The following ADCY3 variants were observed in gnomAD, a reference collection of about 807,000 sequenced individuals.
ADCY3 encodes adenylate cyclase type 3.
ADCY3 carries 70 observed loss-of-function variants against 119.4 expected under a neutral mutation model. That is an observed-to-expected ratio of 0.59 (90% CI 0.48 to 0.72). The LOEUF is 0.72. Among genes scored for constraint, ADCY3 ranks in the 30% least tolerant of loss-of-function variants. ADCY3 has a pLI of 0.00. For synonymous variants in ADCY3, 672 were observed against 621.4 expected, an observed-to-expected ratio of 1.08 and a Z score of -1.21; for missense variants, 1,238 against 1,541.6, an observed-to-expected ratio of 0.80 and a Z score of 3.30.
intron 3 of ADCY3, among the ~76,000 whole-genome samples, chr2:24,852,709 G>T (rs538445489): frequency 1.6e-4 from 25 of 152,260 alleles, no homozygotes; most frequent in Non-Finnish European, 2.9e-4. Context: ...CCTCTCCACG[G>T]CCAGGAGCCG....
chr2:24,835,029 AAG>A, intron 9 of ADCY3, 93 bp from the exon 10 acceptor site: 5 of 1,463,050 alleles, frequency 3.4e-6, no homozygotes, highest in Non-Finnish European at 3.7e-6. Flanking sequence ...AAAGGAACAA[AAG>A]AGGGCATACT....
Position 24,840,013 on chromosome 2 carries a change from G to A in ADCY3, c.1215C>T (p.Thr405=). The A allele has an allele frequency of 6.2e-7, 1 of 1,612,684 alleles. No individual in the cohort carries two copies. Among genetic ancestry groups the A allele is most frequent in the South Asian group, 1.1e-5 (1 of 91,058 alleles). ...VEAISYVREK[T]KTGVDMRVGV... is the part of the protein sequence containing the mutation. ...CCACACGCATGTCCACCCCAGTCTT[G>A]GTCTTCTCCCGCACATACCTGCCAG... Residue 405 remains threonine (T), a synonymous_variant, in exon 7 of 22, where the codon ACC becomes ACT. Coordinates refer to ENST00000679454, the MANE Select transcript of ADCY3 (RefSeq NM_004036.5).
chr2:24,834,467 C>T lies in ADCY3; in HGVS notation c.1967+18G>A. 2 of 1,589,056 alleles carry T rather than the reference C, an allele frequency of 1.3e-6. No individual in the cohort carries two copies. The highest frequency in any genetic ancestry group is 2.3e-5 in the East Asian group (1 of 44,176). On this transcript the variant is annotated intron_variant, in intron 11 of 21. Transcript: ENST00000679454. This position sits in a 1 kb window ranked among gnomAD's most constrained non-coding sequence, Gnocchi z 4.2. ...CGCAGCCGAGGAAACTCGTGGCCCT[C>T]CCCGGCCCCTCCCTCACCAGGGGTC...
chr2:24,852,589 T>C (rs1309391025), intron 3 of ADCY3, among the ~76,000 whole-genome samples: 1 of 152,236 alleles, frequency 6.6e-6, no homozygotes, highest in African/African-American at 2.4e-5. Context: ...GGCCACCGTG[T>C]ACTCAGAAAG....
At chr2:24,861,115 G>T (rs1673593559) in intron 3 of ADCY3, among the ~76,000 whole-genome samples, 1 of 152,140 alleles carries the variant, frequency 6.6e-6, no homozygotes. Flanking sequence ...GCTGTGTGTG[G>T]TGGTGGGCAC....
chr2:24,903,834 C>T (rs1467247752), intron 2 of ADCY3, among the ~76,000 whole-genome samples: 2 of 152,194 alleles, frequency 1.3e-5, no homozygotes, highest in Non-Finnish European at 2.9e-5. Context: ...GCGTCACTAA[C>T]CCTGCCGAGG....
At chr2:24,838,864 T>G in intron 7 of ADCY3, 1 of 1,604,236 alleles carries the variant, frequency 6.2e-7, no homozygotes, top group Non-Finnish European at 8.5e-7. Context: ...TCAGCCTCAG[T>G]GTTGGAGCCA....
rs989166976 is a variant in ADCY3, at chr2:24,842,668, G to A, written c.826-284C>T. 2.9e-5 allele frequency: 12 copies of A among 415,328 alleles called. No individual in the cohort carries two copies. Among genetic ancestry groups the A allele is most frequent in the East Asian group, 1.5e-4 (3 of 19,602 alleles). The allele number at this position is 415,328 out of a possible 1,614,324, so 25.7% of individuals were successfully genotyped here. ...ACGTGGCTCTGTGCTCAGCATCCTC[G>A]TGCCACAAGAAGCGCAGCAGTCCTG... is the stretch of plus-strand genomic sequence containing the variant. On this transcript the variant is annotated intron_variant, in intron 3 of 21. Transcript: ENST00000679454. The surrounding 1 kb of genome is among the most constrained non-coding windows in gnomAD (Gnocchi z 4.9).
chr2:24,867,697 G>T (rs919535430), intron 3 of ADCY3, among the ~76,000 whole-genome samples: 1 of 152,128 alleles, frequency 6.6e-6, no homozygotes, highest in Non-Finnish European at 1.5e-5. Flanking sequence ...AGCATAAAAG[G>T]TAATACTAAA....
intron 2 of ADCY3, among the ~76,000 whole-genome samples, chr2:24,888,567 T>C (rs1275324383): frequency 6.6e-6 from 1 of 152,262 alleles, no homozygotes; most frequent in African/African-American, 2.4e-5. Flanking sequence ...GAATAAGCAC[T>C]GTCTTTGGAG....
Position 24,878,529 on chromosome 2 carries a change from G to A in ADCY3, c.676-5810C>T, listed in dbSNP as rs547731400. On this transcript the variant is annotated intron_variant, in intron 2 of 21. Coordinates refer to ENST00000679454, the MANE Select transcript of ADCY3 (RefSeq NM_004036.5). This position sits in a 1 kb window ranked among gnomAD's most constrained non-coding sequence, Gnocchi z 4.0. ...CTGCTCAGGGTGCAGTGTCCGTGTC[G>A]CCCACAGAGACCTATGACGTTCTGC... Among the ~76,000 whole-genome samples, 140 of 152,268 alleles carry A rather than the reference G, an allele frequency of 9.2e-4. No individual in the cohort carries two copies. The highest frequency in any genetic ancestry group is 3.3e-3 in the African/African-American group (137 of 41,564).
chr2:24,871,704 A>T (rs947267946), intron 3 of ADCY3, among the ~76,000 whole-genome samples: 3 of 152,254 alleles, frequency 2.0e-5, no homozygotes, highest in Non-Finnish European at 4.4e-5. Flanking sequence ...CAGAGCAGAG[A>T]ATCATAGTGT....
intron 3 of ADCY3, among the ~76,000 whole-genome samples, chr2:24,853,004 G>GA (rs1672525748): frequency 1.1e-5 from 1 of 92,466 alleles, no homozygotes; most frequent in South Asian, 4.0e-4. Context: ...AACAGCTGGA[G>GA]GGTGTGTGTG....
At chr2:24,882,827 C>T (rs529044424) in intron 2 of ADCY3, among the ~76,000 whole-genome samples, 13 of 152,160 alleles carry the variant, frequency 8.5e-5, no homozygotes, top group African/African-American at 1.2e-4. Flanking sequence ...GAGGCCGAGG[C>T]GGGTGGATCG....
At chr2:24,847,288 T>C (rs1671765274) in intron 3 of ADCY3, among the ~76,000 whole-genome samples, 1 of 152,146 alleles carries the variant, frequency 6.6e-6, no homozygotes, top group African/African-American at 2.4e-5. Flanking sequence ...GCCTTTTACC[T>C]CCCACCATGA....
At chr2:24,904,960 C>T (rs772802788) in intron 2 of ADCY3, among the ~76,000 whole-genome samples, 6 of 151,896 alleles carry the variant, frequency 4.0e-5, no homozygotes, top group Non-Finnish European at 8.8e-5. Flanking sequence ...TATTTTGCCT[C>T]CTATGCGCCA....
intron 7 of ADCY3, chr2:24,838,839 G>A (rs1670639811): frequency 6.2e-7 from 1 of 1,607,830 alleles, no homozygotes; most frequent in Admixed American, 1.7e-5. Flanking sequence ...GGGCCGTATG[G>A]CACTTACTCC....
chr2:24,879,455 A>G (rs1676124553), intron 2 of ADCY3, among the ~76,000 whole-genome samples: 1 of 76,962 alleles, frequency 1.3e-5, no homozygotes, highest in South Asian at 4.9e-4. Flanking sequence ...TCTGTCTCAA[A>G]AAAAAAAAAA....
chr2:24,883,752 A>G (rs1013823830), intron 2 of ADCY3, among the ~76,000 whole-genome samples: 11 of 152,236 alleles, frequency 7.2e-5, no homozygotes, highest in African/African-American at 2.4e-4. Context: ...GAGACAGAAG[A>G]TATTTAGGAA....
Sources: gnomAD v4.1 joint callset for allele counts (sites outside exome capture counted in the v4.1 genomes callset) on GRCh38, gnomAD v4.1.1 for gene constraint, Gnocchi (gnomAD v3.1) non-coding constraint, MANE v1.5 for transcripts, NCBI Gene and HGNC (gene_info 2026-07-23, HGNC 2026-07-21) for gene names.